Variants in HAUS6 observed in about 807,000 individuals in gnomAD.
HAUS6 encodes HAUS augmin-like complex subunit 6.
Under a neutral mutation model 106.8 loss-of-function variants are expected in HAUS6, and 80 were observed. That is an observed-to-expected ratio of 0.75 (90% CI 0.63 to 0.90). The LOEUF is 0.90. Among genes scored for constraint, HAUS6 ranks in the 40% least tolerant of loss-of-function variants. The pLI, the probability that HAUS6 is intolerant of heterozygous loss-of-function variation, is 0.00. For synonymous variants in HAUS6, 356 were observed against 379.1 expected (o/e 0.94, Z 0.71); for missense variants, 1,155 against 1,118.1 (o/e 1.03, Z -0.47).
At position 19,093,279 on chromosome 9, in the gene HAUS6, G is replaced by C; in HGVS notation, c.328C>G (p.Gln110Glu). The change falls in exon 4 of 17, where the codon CAA becomes GAA. Residue 110 changes from glutamine to glutamate, a missense_variant. Physicochemically the swap from Gln to Glu is conservative, Grantham distance 29. This residue lies in a region of HAUS6 where 761 missense variants were observed against 690.0 expected (regional missense o/e 1.10). Transcript: ENST00000380502. Reference protein sequence around the residue: ...ISGECGSSFPQVVGSLFLSPG... With the variant: ...ISGECGSSFPEVVGSLFLSPG... ...GAAAGAAATAGTGAACCAACAACTT[G>C]AGGAAAGCTACTTCCACATTCACCC... 1.2e-6 allele frequency: 2 copies of C among 1,607,944 alleles called. No individual in the cohort carries two copies. The highest frequency in any genetic ancestry group is 1.7e-6 in the Non-Finnish European group (2 of 1,176,970).
rs143390652 is a variant in HAUS6, at chr9:19,057,967, A to T, written c.2800T>A (p.Leu934Ile). ...AGGTCTATTTAAACCTTACCCTTTA[A>T]ATTAGGTAGTTCTCCAAGACTACAT... Reference protein sequence around the residue: ...IACSLGELPNLKEEDILNKSL... With the variant: ...IACSLGELPNIKEEDILNKSL... Residue 934 changes from leucine (L) to isoleucine (I), a missense_variant, in exon 16 of 17, where the codon TTA becomes ATA. Leu to Ile is a conservative substitution (Grantham distance 5). Around this residue, in one of 3 missense-constraint regions of HAUS6, gnomAD observed 380 missense variants for 394.8 expected, o/e 0.96. Transcript: ENST00000380502. 159 of 1,591,558 alleles carry T rather than the reference A, an allele frequency of 1.0e-4. No individual in the cohort carries two copies. In the East Asian group the frequency reaches 3.4e-3, roughly 34 times the overall value.
In HAUS6 at chr9:19,058,594, T is replaced by C; in HGVS notation, c.2173A>G (p.Met725Val). 1 of 1,604,142 alleles carries C rather than the reference T, an allele frequency of 6.2e-7. No individual in the cohort carries two copies. The highest frequency in any genetic ancestry group is 8.5e-7 in the Non-Finnish European group (1 of 1,172,312). Residue 725 changes from methionine to valine, a missense_variant, in exon 16 of 17, where the codon ATG (methionine) becomes GTG (valine). Physicochemically the swap from Met to Val is conservative, Grantham distance 21. Coordinates refer to ENST00000380502, the MANE Select transcript of HAUS6 (RefSeq NM_017645.5). ...SPAVGNRIDVMGGSEEEFMKI... is the reference protein window; with the variant it reads ...SPAVGNRIDVVGGSEEEFMKI... ...ATAAACTCCTCTTCACTGCCACCCA[T>C]CACATCTATCCTATTGCCGACAGCA...
In HAUS6 at chr9:19,102,574, G is replaced by A. The variant is rs149037452; in HGVS notation, c.78C>T (p.Gly26=). ...MYLQALGFEP[G]PATIACGKIV... ...TCTTTCCGCAGGCAATGGTTGCCGG[G>A]CCTGGCTCGAAGCCGAGCGCCTGCA... The change falls in exon 1 of 17, where the codon GGC becomes GGT. Residue 26 remains glycine (G), a synonymous_variant. Transcript: ENST00000380502. 4 of 1,613,910 alleles carry A rather than the reference G, an allele frequency of 2.5e-6. No homozygotes were observed. In the African/African-American group the frequency reaches 5.3e-5, roughly 21 times the overall value.
In HAUS6 at chr9:19,063,331, G is replaced by C. The variant is rs548819680; in HGVS notation, c.1444-138C>G. On this transcript the variant is annotated intron_variant, in intron 13 of 16. Coordinates refer to ENST00000380502, the MANE Select transcript of HAUS6 (RefSeq NM_017645.5). ...ATTGTGAAATTGTATGTCACTGGCA[G>C]AATTAACTAATTCCAATATTCCCAC... 6 of 682,690 alleles carry C rather than the reference G, an allele frequency of 8.8e-6. 1 individual carries two copies. The highest frequency in any genetic ancestry group is 7.3e-5 in the African/African-American group (4 of 54,858). The allele number at this position is 682,690 out of a possible 1,614,324, so 42.3% of individuals were successfully genotyped here.
intron 12 of HAUS6, among the ~76,000 whole-genome samples, chr9:19,068,333 G>C (rs1022027504): frequency 6.6e-6 from 1 of 151,982 alleles, no homozygotes; most frequent in Non-Finnish European, 1.5e-5. Context: ...ACTAAAATAT[G>C]GTTCTTCCAC....
In HAUS6 at chr9:19,089,482, C is replaced by T. The variant is rs747156587; in HGVS notation, c.514G>A (p.Ala172Thr). 2.5e-5 allele frequency: 40 copies of T among 1,611,056 alleles called. No individual in the cohort carries two copies. The highest frequency in any genetic ancestry group is 3.1e-5 in the Non-Finnish European group (37 of 1,177,454). Reference sequence around the variant, plus strand: ...AAAATTTGTAAAAATCTGCTACGTGCGAAATGGCATCTGGCAATGCATTTG... The same window carrying T: ...AAAATTTGTAAAAATCTGCTACGTGTGAAATGGCATCTGGCAATGCATTTG... ...LHKCIARCHFARSRFLQILQR... is the reference protein window; with the variant it reads ...LHKCIARCHFTRSRFLQILQR... The change falls in exon 5 of 17, where the codon GCA (alanine) becomes ACA (threonine). Residue 172 changes from alanine to threonine, a missense_variant. Physicochemically the swap from Ala to Thr is moderately conservative, Grantham distance 58. This residue lies in a region of HAUS6 where 761 missense variants were observed against 690.0 expected (regional missense o/e 1.10). Coordinates refer to ENST00000380502, the MANE Select transcript of HAUS6 (RefSeq NM_017645.5).
At chr9:19,063,822 C>T (rs748659019) in intron 12 of HAUS6, 1 of 678,320 alleles carries the variant, frequency 1.5e-6, no homozygotes, top group South Asian at 1.4e-5. Flanking sequence ...ACTGAGTCAA[C>T]AATATTTTGA....
intron 12 of HAUS6, among the ~76,000 whole-genome samples, chr9:19,066,451 T>A (rs1230943846): frequency 2.0e-5 from 3 of 152,142 alleles, no homozygotes; most frequent in Non-Finnish European, 4.4e-5. Flanking sequence ...ACAAATGACA[T>A]TTAGCTGGCA....
chr9:19,093,604 C>T (rs1022191542), intron 3 of HAUS6, among the ~76,000 whole-genome samples: 6 of 152,196 alleles, frequency 3.9e-5, no homozygotes, highest in African/African-American at 1.4e-4. Flanking sequence ...TGTGGTGGCT[C>T]ATACCTGTAA....
At chr9:19,075,604 T>G (rs1023517891) in intron 11 of HAUS6, among the ~76,000 whole-genome samples, 1 of 152,054 alleles carries the variant, frequency 6.6e-6, no homozygotes, top group Non-Finnish European at 1.5e-5. Context: ...AGGACTCATA[T>G]TATATGACTT....
intron 4 of HAUS6, among the ~76,000 whole-genome samples, chr9:19,090,421 G>C (rs1817719927): frequency 6.6e-6 from 1 of 152,154 alleles, no homozygotes; most frequent in South Asian, 2.1e-4. Flanking sequence ...CTGAAATGCA[G>C]TGGCGTGATC....
chr9:19,062,982 G>C lies in HAUS6; in HGVS notation c.1629+26C>G, dbSNP rs760381332. 1.5e-5 allele frequency: 23 copies of C among 1,518,458 alleles called. 1 individual carries two copies. Among genetic ancestry groups the C allele is most frequent in the East Asian group, 6.8e-5 (3 of 44,386 alleles). 94.1% of individuals were successfully genotyped at this position (1,518,458 alleles called of 1,614,324 possible). A position where few individuals can be genotyped will look rare whatever the true frequency, so the allele number is the denominator to read the frequency against. ...TGCCCATCCAATAACTGATATTTAA[G>C]TATACTCATTACAGTCTTTTCTCAC... On this transcript the variant is annotated intron_variant, in intron 14 of 16. Transcript: ENST00000380502.
At chr9:19,074,513 C>T (rs2131122325) in intron 11 of HAUS6, among the ~76,000 whole-genome samples, 1 of 152,208 alleles carries the variant, frequency 6.6e-6, no homozygotes, top group East Asian at 1.9e-4. Context: ...CTTAAGCAAT[C>T]TTCCACCCTA....
At position 19,093,390 on chromosome 9, in the gene HAUS6, G is replaced by A. The variant is rs544736791; in HGVS notation, c.304-87C>T. On this transcript the variant is annotated intron_variant, in intron 3 of 16. Coordinates refer to ENST00000380502, the MANE Select transcript of HAUS6 (RefSeq NM_017645.5). ...TCACACTATTTTTGTTAAAGGGTGT[G>A]ACAGTCTTGCAATAGAAGTCCCACA... 39 of 1,206,048 alleles carry A rather than the reference G, an allele frequency of 3.2e-5. No homozygotes were observed. In the African/African-American group the frequency reaches 3.2e-4, roughly 10 times the overall value. 74.7% of individuals were successfully genotyped at this position (1,206,048 alleles called of 1,614,324 possible).
chr9:19,097,320 G>A (rs7850487), intron 1 of HAUS6, among the ~76,000 whole-genome samples: 67,075 of 151,932 alleles, frequency 0.44, 15,720 homozygotes, highest in African/African-American at 0.62. Flanking sequence ...GGCAACCTAC[G>A]GAAAGGGAGA....
At chr9:19,080,174 C>CAAAAAAAA (rs746423003) in intron 9 of HAUS6, among the ~76,000 whole-genome samples, 1 of 37,568 alleles carries the variant, frequency 2.7e-5, no homozygotes, top group African/African-American at 8.9e-5. Flanking sequence ...AACTCCGTCT[C>CAAAAAAAA]AAAAAAAAAA....
chr9:19,092,777 T>G (rs1298056283), intron 4 of HAUS6, among the ~76,000 whole-genome samples: 2 of 151,134 alleles, frequency 1.3e-5, no homozygotes, highest in Non-Finnish European at 2.9e-5. Flanking sequence ...TACAAAAAAT[T>G]AGCCAGTCAT....
intron 12 of HAUS6, among the ~76,000 whole-genome samples, chr9:19,066,573 T>TC (rs200414301): frequency 5.9e-5 from 9 of 151,276 alleles, no homozygotes; most frequent in South Asian, 2.1e-4. Flanking sequence ...ATCATGGAAC[T>TC]CCCCCCCACA....
intron 8 of HAUS6, 24 bp downstream of exon 8, chr9:19,082,849 G>C (rs1837189977): frequency 7.7e-7 from 1 of 1,307,114 alleles, no homozygotes; most frequent in South Asian, 1.7e-5. Flanking sequence ...TTTCTCAAAA[G>C]CTTCCTTAAT....
Sources: allele counts gnomAD v4.1 joint callset (sites outside exome capture counted in the v4.1 genomes callset), GRCh38; gene constraint gnomAD v4.1.1; regional missense constraint gnomAD v4.1.1; transcripts MANE v1.5; gene names NCBI Gene and HGNC (gene_info 2026-07-23, HGNC 2026-07-21).